Variants in GRK4 observed in about 807,000 individuals in gnomAD.
GRK4 encodes the protein G protein-coupled receptor kinase 4, also known as G protein-coupled receptor kinase 2-like.
A neutral mutation model predicts 77.9 loss-of-function variants in GRK4; 73 were observed. That is an observed-to-expected ratio of 0.94 (90% CI 0.78 to 1.14). The LOEUF is 1.14. Among genes scored for constraint, GRK4 ranks in the 50% most tolerant of loss-of-function variants. The probability of loss-of-function intolerance (pLI) is 0.00; values close to 1 mark genes in which losing one functional copy is unlikely to be tolerated. For synonymous variants in GRK4, 257 were observed against 254.4 expected (o/e 1.01, Z -0.10); for missense variants, 729 against 700.2 (o/e 1.04, Z -0.46).
chr4:3,002,646 G>T (rs887695423), intron 4 of GRK4, among the ~76,000 whole-genome samples: 1 of 152,038 alleles, frequency 6.6e-6, no homozygotes, highest in Non-Finnish European at 1.5e-5. Flanking sequence ...GGGACTTGCA[G>T]TGACCCAAGA....
intron 7 of GRK4, among the ~76,000 whole-genome samples, chr4:3,013,083 G>A (rs1277334944): frequency 4.0e-5 from 6 of 151,682 alleles, no homozygotes; most frequent in African/African-American, 9.7e-5. Context: ...TCACTCTGTC[G>A]CCCAGGCTGG....
chr4:2,977,416 G>C (rs973345398), intron 1 of GRK4, among the ~76,000 whole-genome samples: 12 of 152,166 alleles, frequency 7.9e-5, no homozygotes, highest in African/African-American at 2.9e-4. Flanking sequence ...CCTACTGCTA[G>C]ACCATCTGTT....
At chr4:2,988,576 A>AAACAAACAAC (rs140315626) in intron 2 of GRK4, 151 bp from the exon 3 acceptor site, 80 of 500,252 alleles carry the variant, frequency 1.6e-4, no homozygotes, top group South Asian at 1.2e-3. Flanking sequence ...TGTCTGAAAC[A>AAACAAACAAC]AACAACAACA....
intron 7 of GRK4, among the ~76,000 whole-genome samples, chr4:3,012,092 G>A (rs1733085620): frequency 6.6e-6 from 1 of 152,210 alleles, no homozygotes; most frequent in African/African-American, 2.4e-5. Context: ...TCAGCACAGT[G>A]CCTGGCACTC....
chr4:3,034,273 G>A (rs536732514), intron 12 of GRK4, among the ~76,000 whole-genome samples: 1 of 152,214 alleles, frequency 6.6e-6, no homozygotes, highest in Non-Finnish European at 1.5e-5. Flanking sequence ...AGCGGTGGGA[G>A]ATAGAAGCGC....
chr4:3,035,624 G>C, intron 13 of GRK4, 101 bp downstream of exon 13: 2 of 1,345,042 alleles, frequency 1.5e-6, no homozygotes, highest in Admixed American at 2.4e-5. Context: ...GGGTCTCACT[G>C]TGTTGCCCAG....
At chr4:3,013,313 A>G (rs1489653438) in intron 7 of GRK4, among the ~76,000 whole-genome samples, 1 of 152,076 alleles carries the variant, frequency 6.6e-6, no homozygotes, top group East Asian at 1.9e-4. Flanking sequence ...TGGCCTCCCA[A>G]AGTGCTGGGA....
At chr4:2,992,556 A>T (rs758675603) in intron 4 of GRK4, among the ~76,000 whole-genome samples, 2 of 152,068 alleles carry the variant, frequency 1.3e-5, no homozygotes, top group Non-Finnish European at 2.9e-5. Flanking sequence ...GGTGGTGTGC[A>T]TCTGTAGTCC....
chr4:2,976,779 G>A (rs1231786460), intron 1 of GRK4, among the ~76,000 whole-genome samples: 2 of 151,838 alleles, frequency 1.3e-5, no homozygotes, highest in Non-Finnish European at 2.9e-5. Flanking sequence ...AGCTGGGATT[G>A]CAGGCACATG....
chr4:3,029,442 C>T, intron 12 of GRK4, 33 bp downstream of exon 12: 3 of 1,549,158 alleles, frequency 1.9e-6, no homozygotes, highest in Non-Finnish European at 2.7e-6. Flanking sequence ...TGGGAAATGG[C>T]ACTTCTCACT....
intron 1 of GRK4, among the ~76,000 whole-genome samples, chr4:2,970,751 G>C (rs1020871734): frequency 6.6e-5 from 10 of 151,538 alleles, no homozygotes; most frequent in South Asian, 2.1e-4. Flanking sequence ...CTCACTGCAA[G>C]CTCTGCCTCC....
intron 4 of GRK4, among the ~76,000 whole-genome samples, chr4:2,999,316 A>G (rs927188699): frequency 5.3e-5 from 8 of 152,116 alleles, no homozygotes; most frequent in African/African-American, 1.9e-4. Context: ...CCGCAACAAT[A>G]ACAAAACCAG....
chr4:2,978,787 C>G (rs1355966422), intron 1 of GRK4, among the ~76,000 whole-genome samples: 3 of 151,964 alleles, frequency 2.0e-5, no homozygotes, highest in Non-Finnish European at 4.4e-5. Context: ...TCTACAAAAG[C>G]TTTTTAAAAA....
chr4:3,012,074 C>T (rs1343316302), intron 7 of GRK4, among the ~76,000 whole-genome samples: 1 of 152,216 alleles, frequency 6.6e-6, no homozygotes, highest in Non-Finnish European at 1.5e-5. Flanking sequence ...AGTGTTCACA[C>T]CCAGCTCTCA....
At chr4:3,025,750 C>T (rs555930175) in intron 10 of GRK4, among the ~76,000 whole-genome samples, 1 of 152,022 alleles carries the variant, frequency 6.6e-6, no homozygotes, top group East Asian at 1.9e-4. Flanking sequence ...CCAAAGATAA[C>T]ACCGCAAAAT....
chr4:3,035,302 C>T, intron 12 of GRK4, 84 bp from the exon 13 acceptor site: 2 of 1,380,576 alleles, frequency 1.4e-6, no homozygotes, highest in Non-Finnish European at 2.1e-6. Flanking sequence ...CCTCCCGAGT[C>T]CTTTGGTTAT....
intron 12 of GRK4, among the ~76,000 whole-genome samples, chr4:3,032,440 AG>A (rs1739438833): frequency 6.6e-6 from 1 of 152,230 alleles, no homozygotes; most frequent in Admixed American, 6.5e-5. Flanking sequence ...AAAAAAGAAA[AG>A]AAAAAGCAGA....
In GRK4 at chr4:3,028,311, C is replaced by T. The variant is rs73792173; in HGVS notation, c.1060+310C>T. Among the ~76,000 whole-genome samples the T allele has an allele frequency of 9.7e-3, 1,471 of 152,278 alleles. 22 individuals are homozygous for T. Among genetic ancestry groups the T allele is most frequent in the African/African-American group, 0.034 (1,413 of 41,560 alleles). ...CACTCTACCAGTGTCCTCCCCTGTGCACCACGGCCTCTCGGAGCCTCAGGA... is the reference window on the plus strand; with the variant it reads ...CACTCTACCAGTGTCCTCCCCTGTGTACCACGGCCTCTCGGAGCCTCAGGA... On this transcript the variant is annotated intron_variant, in intron 11 of 15. Coordinates refer to ENST00000398052, the MANE Select transcript of GRK4 (RefSeq NM_182982.3).
chr4:2,964,003 C>T lies in GRK4; in HGVS notation c.-68C>T, dbSNP rs1401671190. On this transcript the variant is annotated 5_prime_UTR_variant, in exon 1 of 16. Coordinates refer to ENST00000398052, the MANE Select transcript of GRK4 (RefSeq NM_182982.3). ...GAGCTATGCACGGGGGCGGCGGCGTCTCCTCCTGTTCCGCCTCCTCAGTCT... is the reference window on the plus strand; with the variant it reads ...GAGCTATGCACGGGGGCGGCGGCGTTTCCTCCTGTTCCGCCTCCTCAGTCT... 7.0e-7 allele frequency: 1 copy of T among 1,426,702 alleles called. No individual in the cohort carries two copies. Among genetic ancestry groups the T allele is most frequent in the Admixed American group, 1.9e-5 (1 of 53,702 alleles). 88.4% of individuals were successfully genotyped at this position (1,426,702 alleles called of 1,614,324 possible). A position where few individuals can be genotyped will look rare whatever the true frequency, so the allele number is the denominator to read the frequency against.
Sources: gnomAD v4.1 joint callset for allele counts (sites outside exome capture counted in the v4.1 genomes callset) on GRCh38, gnomAD v4.1.1 for gene constraint, MANE v1.5 for transcripts, NCBI Gene and HGNC (gene_info 2026-07-23, HGNC 2026-07-21) for gene names.